ABL1: variants seen among roughly 807,000 people sequenced by gnomAD.
ABL1 encodes ABL proto-oncogene 1, non-receptor tyrosine kinase.
ABL1 carries 11 observed loss-of-function variants against 94.7 expected under a neutral mutation model. The ratio of observed to expected loss-of-function variants is 0.12; its 90% CI spans 0.07 to 0.19. The LOEUF is 0.19. ABL1 is among the 10% of genes least tolerant of loss of function. The probability of loss-of-function intolerance (pLI) is 1.00; values close to 1 mark genes in which losing one functional copy is unlikely to be tolerated. For missense variants in ABL1, 1,082 were observed against 1,489.4 expected (o/e 0.73, Z 4.50); for synonymous variants, 656 against 622.4 (o/e 1.05, Z -0.80).
intron 1 of ABL1, among the ~76,000 whole-genome samples, chr9:130,797,604 G>A (rs1829996905): frequency 6.6e-6 from 1 of 152,116 alleles, no homozygotes; most frequent in South Asian, 2.1e-4. Flanking sequence ...CGAACTCCTA[G>A]CCTCAAGTGA....
chr9:130,801,459 C>T (rs560644482), intron 1 of ABL1, among the ~76,000 whole-genome samples: 1 of 151,406 alleles, frequency 6.6e-6, no homozygotes, highest in East Asian at 2.0e-4. Context: ...ATCTCTTGAC[C>T]TCGTGATCTG....
chr9:130,852,445 G>C (rs1254086133), intron 1 of ABL1, among the ~76,000 whole-genome samples: 1 of 152,168 alleles, frequency 6.6e-6, no homozygotes, highest in Non-Finnish European at 1.5e-5. Context: ...TCAGGCTCAG[G>C]CAATCTGCCT....
Position 130,732,639 on chromosome 9 carries a change from C to T in ABL1, c.136+18184C>T, listed in dbSNP as rs916658431. ...TAATTTGTTCTATCCACTTGGGATA[C>T]TGCTGTAGTGGGAATATTGTCCCTG... On this transcript the variant is annotated intron_variant, in intron 1 of 10. Transcript: ENST00000372348. Among the ~76,000 whole-genome samples, 4 of 152,144 alleles carry T rather than the reference C, an allele frequency of 2.6e-5. No homozygotes were observed. In the East Asian group the frequency reaches 7.7e-4, roughly 29 times the overall value.
chr9:130,878,805 T>C (rs1006001044), intron 8 of ABL1, among the ~76,000 whole-genome samples: 14 of 152,198 alleles, frequency 9.2e-5, no homozygotes, highest in African/African-American at 3.4e-4. Flanking sequence ...CCTGGGTGTA[T>C]TCCTAAATAC....
intron 1 of ABL1, among the ~76,000 whole-genome samples, chr9:130,782,724 G>C (rs1829771635): frequency 1.3e-5 from 2 of 152,242 alleles, no homozygotes; most frequent in Admixed American, 6.5e-5. Flanking sequence ...TGCTGCCGCT[G>C]TGGTGGTGAC....
chr9:130,832,545 C>G (rs1830505571), upstream of ABL1, among the ~76,000 whole-genome samples: 1 of 152,150 alleles, frequency 6.6e-6, no homozygotes, highest in African/African-American at 2.4e-5. Context: ...ATACTTCCCC[C>G]TCTCCCTCCA....
At chr9:130,768,139 C>T (rs1401818081) in intron 1 of ABL1, among the ~76,000 whole-genome samples, 3 of 152,202 alleles carry the variant, frequency 2.0e-5, no homozygotes, top group Non-Finnish European at 4.4e-5. Context: ...CCCCTTCCCC[C>T]CAACCCCCAT....
At chr9:130,845,971 G>C (rs1283875098) in intron 1 of ABL1, among the ~76,000 whole-genome samples, 2 of 152,072 alleles carry the variant, frequency 1.3e-5, no homozygotes, top group Non-Finnish European at 2.9e-5. Flanking sequence ...GCTACTGCTG[G>C]TTCTTTACGT....
At chr9:130,875,282 T>C (rs1251634505) in intron 7 of ABL1, among the ~76,000 whole-genome samples, 1 of 152,020 alleles carries the variant, frequency 6.6e-6, no homozygotes, top group Non-Finnish European at 1.5e-5. Flanking sequence ...GCTGGGATTA[T>C]AGGCACCCGC....
intron 3 of ABL1, among the ~76,000 whole-genome samples, chr9:130,859,450 G>T (rs1040722361): frequency 6.6e-6 from 1 of 151,992 alleles, no homozygotes; most frequent in Non-Finnish European, 1.5e-5. Context: ...TGGCTAACCT[G>T]CTCTGGTGGA....
At chr9:130,838,661 G>A (rs1830624365) in intron 1 of ABL1, among the ~76,000 whole-genome samples, 1 of 152,150 alleles carries the variant, frequency 6.6e-6, no homozygotes, top group Non-Finnish European at 1.5e-5. Flanking sequence ...ACCGCATTTA[G>A]CTTTGCAATA....
At chr9:130,761,908 C>T (rs1424877644) in intron 1 of ABL1, among the ~76,000 whole-genome samples, 3 of 151,818 alleles carry the variant, frequency 2.0e-5, no homozygotes, top group Non-Finnish European at 4.4e-5. Context: ...TTTGGGAGGC[C>T]GAGGCGGGTG....
intron 1 of ABL1, among the ~76,000 whole-genome samples, chr9:130,765,522 G>T (rs1353025187): frequency 6.6e-6 from 1 of 152,162 alleles, no homozygotes; most frequent in East Asian, 1.9e-4. Context: ...CCTAGAAGTG[G>T]AATTTCTACA....
At chr9:130,746,647 T>C (rs1425222819) in intron 1 of ABL1, among the ~76,000 whole-genome samples, 1 of 151,974 alleles carries the variant, frequency 6.6e-6, no homozygotes, top group Non-Finnish European at 1.5e-5. Flanking sequence ...TTCCATTGTA[T>C]GAATATGGCA....
rs1391247588 is a variant in ABL1, at chr9:130,885,928, C to T, written c.*245C>T. ...TCCTCGAATTTTATCTGTGGAGTTC[C>T]TGCTCCGTGGACTGCAGTCGGCATG... On this transcript the variant is annotated 3_prime_UTR_variant, in exon 11 of 11. Transcript: ENST00000318560. 1 of 541,454 alleles carries T rather than the reference C, an allele frequency of 1.8e-6. No individual in the cohort carries two copies. The highest frequency in any genetic ancestry group is 1.9e-5 in the African/African-American group (1 of 52,894). 33.5% of individuals were successfully genotyped at this position (541,454 alleles called of 1,614,324 possible). A position where few individuals can be genotyped will look rare whatever the true frequency, so the allele number is the denominator to read the frequency against.
In ABL1 at chr9:130,887,312, C is replaced by T; in HGVS notation, c.*1629C>T. On this transcript the variant is annotated 3_prime_UTR_variant, in exon 11 of 11. Transcript: ENST00000318560. ...TTACAGCACATCACCTCTTTGCCCC[C>T]GACGGCTGTGACGCAGCCGGAGGGA... 1 of 233,300 alleles carries T rather than the reference C, an allele frequency of 4.3e-6. No individual in the cohort carries two copies. The highest frequency in any genetic ancestry group is 1.3e-3 in the Middle Eastern group (1 of 786). 14.5% of individuals were successfully genotyped at this position (233,300 alleles called of 1,614,324 possible). A position where few individuals can be genotyped will look rare whatever the true frequency, so the allele number is the denominator to read the frequency against.
At chr9:130,784,253 G>A (rs752912058) in intron 1 of ABL1, among the ~76,000 whole-genome samples, 5 of 152,054 alleles carry the variant, frequency 3.3e-5, no homozygotes, top group African/African-American at 9.7e-5. Flanking sequence ...AATATTCTAC[G>A]AATATACAAA....
At chr9:130,871,378 C>CA (rs1831249721) in intron 4 of ABL1, among the ~76,000 whole-genome samples, 1 of 152,246 alleles carries the variant, frequency 6.6e-6, no homozygotes, top group African/African-American at 2.4e-5. Flanking sequence ...CTGTAGAAGT[C>CA]ACGGCCTGTC....
intron 6 of ABL1, among the ~76,000 whole-genome samples, chr9:130,874,272 A>T (rs1015903866): frequency 2.0e-5 from 3 of 152,236 alleles, no homozygotes; most frequent in Non-Finnish European, 4.4e-5. Flanking sequence ...AGCAGATTAT[A>T]CAGGAGAGAG....
Sources: gnomAD v4.1 joint callset for allele counts (sites outside exome capture counted in the v4.1 genomes callset) on GRCh38, gnomAD v4.1.1 for gene constraint, MANE v1.5 for transcripts, NCBI Gene and HGNC (gene_info 2026-07-23, HGNC 2026-07-21) for gene names.